The following ADK variants were observed in gnomAD, a reference collection of about 807,000 sequenced individuals.
The protein encoded by ADK is N6,N6-dimethyladenosine kinase.
In ADK, 24 loss-of-function variants were observed where a neutral mutation model predicts 44.7. The ratio of observed to expected loss-of-function variants is 0.54; its 90% CI spans 0.39 to 0.76. The LOEUF (loss-of-function observed/expected upper bound fraction) is 0.76, where lower values mean the gene tolerates loss of function less well. Among genes scored for constraint, ADK ranks in the 30% least tolerant of loss-of-function variants. The pLI is 0.00. For synonymous variants in ADK, 128 were observed against 142.6 expected, an observed-to-expected ratio of 0.90 and a Z score of 0.73; for missense variants, 321 against 425.1, an observed-to-expected ratio of 0.76 and a Z score of 2.15.
At chr10:74,376,334 A>G (rs1842819236) in intron 4 of ADK, among the ~76,000 whole-genome samples, 1 of 152,098 alleles carries the variant, frequency 6.6e-6, no homozygotes, top group Non-Finnish European at 1.5e-5. Context: ...TTTAGGGTAC[A>G]TTTTTGTTTT....
At chr10:74,505,517 C>CT (rs35285709) in intron 6 of ADK, among the ~76,000 whole-genome samples, 9,048 of 131,304 alleles carry the variant, frequency 0.069, 759 homozygotes, top group African/African-American at 0.19. Context: ...CTTCCCCCCA[C>CT]TTTTTTTTTT....
chr10:74,655,305 A>G (rs777415506), intron 9 of ADK: 11 of 459,584 alleles, frequency 2.4e-5, no homozygotes, highest in Non-Finnish European at 3.7e-5. Context: ...TGAAATGATG[A>G]AGAAAAAAGG....
At chr10:74,657,122 G>C (rs1368074266) in intron 9 of ADK, among the ~76,000 whole-genome samples, 3 of 151,608 alleles carry the variant, frequency 2.0e-5, no homozygotes, top group African/African-American at 7.3e-5. Context: ...GACTGGTCTT[G>C]AGCTCCTGGC....
intron 9 of ADK, among the ~76,000 whole-genome samples, chr10:74,647,940 C>T (rs1343537330): frequency 1.3e-5 from 2 of 152,142 alleles, no homozygotes; most frequent in African/African-American, 2.4e-5. Context: ...CAACTAATTC[C>T]TTGAAAAGCT....
chr10:74,465,359 G>T (rs1846314757), intron 6 of ADK, among the ~76,000 whole-genome samples: 1 of 152,142 alleles, frequency 6.6e-6, no homozygotes, highest in African/African-American at 2.4e-5. Flanking sequence ...ATTACACTGG[G>T]AAAGAGTCTA....
At chr10:74,275,291 A>C (rs1180223690) in intron 3 of ADK, among the ~76,000 whole-genome samples, 1 of 152,116 alleles carries the variant, frequency 6.6e-6, no homozygotes, top group Non-Finnish European at 1.5e-5. Context: ...AATACCAGAG[A>C]GAGCCCCTCT....
intron 2 of ADK, among the ~76,000 whole-genome samples, chr10:74,208,559 C>G (rs1843686226): frequency 6.6e-6 from 1 of 152,068 alleles, no homozygotes; most frequent in Non-Finnish European, 1.5e-5. Flanking sequence ...AAAAACAAGT[C>G]TTTGGACCCT....
At chr10:74,229,012 G>A (rs1564606484) in intron 3 of ADK, among the ~76,000 whole-genome samples, 1 of 152,052 alleles carries the variant, frequency 6.6e-6, no homozygotes, top group Non-Finnish European at 1.5e-5. Flanking sequence ...AGTGTATACT[G>A]TTCTAAATAT....
At chr10:74,370,106 A>G (rs899032094) in intron 4 of ADK, among the ~76,000 whole-genome samples, 1 of 152,210 alleles carries the variant, frequency 6.6e-6, no homozygotes, top group African/African-American at 2.4e-5. Flanking sequence ...AAACTGTAAA[A>G]ACATTACTGA....
intron 6 of ADK, among the ~76,000 whole-genome samples, chr10:74,446,409 A>G (rs2133164694): frequency 6.6e-6 from 1 of 152,252 alleles, no homozygotes; most frequent in East Asian, 1.9e-4. Context: ...TCTCCTATGG[A>G]TCAAATTGTG....
At chr10:74,501,070 A>G (rs1782038021) in intron 6 of ADK, among the ~76,000 whole-genome samples, 1 of 152,238 alleles carries the variant, frequency 6.6e-6, no homozygotes, top group Admixed American at 6.5e-5. Context: ...TTTTCCACTT[A>G]TAAAGTGATA....
chr10:74,151,588 G>T (rs1841590205), intron 1 of ADK, among the ~76,000 whole-genome samples: 1 of 152,226 alleles, frequency 6.6e-6, no homozygotes, highest in Non-Finnish European at 1.5e-5. Context: ...GTGGCCCGCA[G>T]GGGGACCGAG....
intron 9 of ADK, among the ~76,000 whole-genome samples, chr10:74,640,180 T>TTGAG (rs771269399): frequency 6.6e-6 from 1 of 152,196 alleles, no homozygotes; most frequent in Non-Finnish European, 1.5e-5. Flanking sequence ...CAGTTTTCTC[T>TTGAG]GAGCTAGATC....
chr10:74,476,291 C>G (rs193121371), intron 6 of ADK, among the ~76,000 whole-genome samples: 1 of 151,936 alleles, frequency 6.6e-6, no homozygotes, highest in East Asian at 1.9e-4. Context: ...GTCGGGAGTT[C>G]GAGAGCAGCC....
chr10:74,574,860 A>T (rs1483561990), intron 7 of ADK, among the ~76,000 whole-genome samples: 2 of 152,262 alleles, frequency 1.3e-5, no homozygotes, highest in African/African-American at 4.8e-5. Context: ...GTAAGCAAAG[A>T]TTCTACTACT....
Position 74,532,502 on chromosome 10 carries a change from AG to A in ADK, c.726+7077del, listed in dbSNP as rs367829412. On this transcript the variant is annotated intron_variant, in intron 7 of 10. Transcript: ENST00000539909. ...AAAAAAAAAAAAAAACCCTTGGAATAGTAGAAGCATGAAAAAATCCAGATTT... is the reference window on the plus strand; with the variant it reads ...AAAAAAAAAAAAAAACCCTTGGAATATAGAAGCATGAAAAAATCCAGATTT... 3.8e-4 allele frequency among the ~76,000 whole-genome samples: 57 copies of A among 151,728 alleles called. No individual in the cohort carries two copies. The East Asian group carries it at 8.1e-3, about 22-fold the overall frequency.
chr10:74,492,907 G>T (rs1033215215), intron 6 of ADK, among the ~76,000 whole-genome samples: 3 of 151,924 alleles, frequency 2.0e-5, no homozygotes, highest in Non-Finnish European at 2.9e-5. Context: ...CTTTTGTAAT[G>T]GATCTCTTGT....
chr10:74,546,658 G>GA (rs1442615286), intron 7 of ADK, among the ~76,000 whole-genome samples: 1 of 152,036 alleles, frequency 6.6e-6, no homozygotes, highest in Non-Finnish European at 1.5e-5. Context: ...AGGGCAGATG[G>GA]AAAAACTTAT....
intron 1 of ADK, among the ~76,000 whole-genome samples, chr10:74,155,514 A>G (rs1376644002): frequency 1.3e-5 from 2 of 151,702 alleles, no homozygotes; most frequent in African/African-American, 4.8e-5. Flanking sequence ...TAGACCCTAT[A>G]TATATATTTT....
Sources: gnomAD v4.1 joint callset for allele counts (sites outside exome capture counted in the v4.1 genomes callset) on GRCh38, gnomAD v4.1.1 for gene constraint, MANE v1.5 for transcripts, NCBI Gene and HGNC (gene_info 2026-07-23, HGNC 2026-07-21) for gene names.